The following CAT variants were observed in gnomAD, a reference collection of about 807,000 sequenced individuals.
CAT encodes catalase.
CAT carries 43 observed loss-of-function variants against 59.0 expected under a neutral mutation model. The ratio of observed to expected loss-of-function variants is 0.73; its 90% confidence interval spans 0.57 to 0.94. The LOEUF (loss-of-function observed/expected upper bound fraction) is 0.94. Among genes scored for constraint, CAT ranks in the 40% least tolerant of loss-of-function variants. CAT has a pLI of 0.00. For synonymous variants in CAT, 218 were observed against 230.9 expected, an observed-to-expected ratio of 0.94 and a Z score of 0.51; for missense variants, 664 against 682.9, an observed-to-expected ratio of 0.97 and a Z score of 0.31.
intron 1 of CAT, among the ~76,000 whole-genome samples, chr11:34,443,022 A>G (rs1222886185): frequency 6.6e-6 from 1 of 152,176 alleles, no homozygotes; most frequent in Non-Finnish European, 1.5e-5. Context: ...AGAATATGTC[A>G]TTTTTACTTT....
rs61733252 is a variant in CAT at position 34,453,896 on chromosome 11, G to A, written c.681G>A (p.Gly227=). The change falls in exon 6 of 13, where the codon GGG becomes GGA. Residue 227 remains glycine, a synonymous_variant. Transcript: ENST00000241052. ...CTTTCAAGCTGGTTAATGCAAATGG[G>A]GAGGCAGTTTATTGCAAATTCCATT... ...SHTFKLVNAN[G]EAVYCKFHYK... 1.9e-4 allele frequency: 305 copies of A among 1,613,846 alleles called. 1 individual carries two copies. The highest frequency in any genetic ancestry group is 1.8e-4 in the Admixed American group (11 of 59,994).
At chr11:34,442,409 C>T (rs1398866213) in intron 1 of CAT, among the ~76,000 whole-genome samples, 3 of 152,102 alleles carry the variant, frequency 2.0e-5, no homozygotes, top group African/African-American at 7.2e-5. Flanking sequence ...CAAAACTAGC[C>T]TGACCAATAT....
chr11:34,470,765 C>T, intron 11 of CAT, 193 bp from the exon 12 acceptor site: 1 of 659,406 alleles, frequency 1.5e-6, no homozygotes, highest in Non-Finnish European at 2.8e-6. Flanking sequence ...GGTTGCTCAG[C>T]CAGTATATGT....
At chr11:34,443,251 T>A (rs1856412935) in intron 1 of CAT, among the ~76,000 whole-genome samples, 1 of 152,200 alleles carries the variant, frequency 6.6e-6, no homozygotes, top group Admixed American at 6.5e-5. Flanking sequence ...CTCTCAAGAA[T>A]CAGAGTGTCC....
At chr11:34,454,166 T>G (rs1856562809) in intron 6 of CAT, among the ~76,000 whole-genome samples, 1 of 152,250 alleles carries the variant, frequency 6.6e-6, no homozygotes, top group Non-Finnish European at 1.5e-5. Flanking sequence ...CCAATATCAT[T>G]TCTTTTAACT....
intron 8 of CAT, among the ~76,000 whole-genome samples, chr11:34,460,077 G>A (rs1272713969): frequency 1.3e-5 from 2 of 152,142 alleles, no homozygotes; most frequent in Admixed American, 1.3e-4. Flanking sequence ...TTTTTATTTT[G>A]CCTCATAGAA....
At chr11:34,442,437 AC>A (rs1380975929) in intron 1 of CAT, among the ~76,000 whole-genome samples, 4 of 152,140 alleles carry the variant, frequency 2.6e-5, no homozygotes, top group Non-Finnish European at 5.9e-5. Flanking sequence ...CCCTGTCTCT[AC>A]TAAAAATACA....
In CAT at chr11:34,468,413, G is replaced by A; in HGVS notation, c.1434+18G>A. ...AGAAAGCGGTGAGTCTTTGTAAGCT[G>A]AAGGGTGTCCTCTGCTGGCTAAGGA... On this transcript the variant is annotated intron_variant, in intron 11 of 12. Transcript: ENST00000241052. The A allele has an allele frequency of 6.4e-7, 1 of 1,553,540 alleles. No homozygotes were observed. Among genetic ancestry groups the A allele is most frequent in the Non-Finnish European group, 8.9e-7 (1 of 1,124,872 alleles).
chr11:34,440,999 TG>T, intron 1 of CAT, among the ~76,000 whole-genome samples: 1 of 152,340 alleles, frequency 6.6e-6, no homozygotes, highest in Non-Finnish European at 1.5e-5. Flanking sequence ...CATCTATAGT[TG>T]GGAGGCTCTT....
chr11:34,456,226 G>T lies in CAT; in HGVS notation c.903+24G>T, dbSNP rs1590304384. ...AGGTGAGTCAGTAAACAACTATATT[G>T]TTTTCTTTTTTAAGTCTCTTCTTAC... is the stretch of plus-strand genomic sequence containing the variant. On this transcript the variant is annotated intron_variant, in intron 7 of 12. Transcript: ENST00000241052. 3 of 1,581,994 alleles carry T rather than the reference G, an allele frequency of 1.9e-6. No individual in the cohort carries two copies. The African/African-American group carries it at 4.0e-5, about 21-fold the overall frequency.
intron 1 of CAT, among the ~76,000 whole-genome samples, chr11:34,444,831 TATAAA>T (rs1856430547): frequency 6.6e-6 from 1 of 152,226 alleles, no homozygotes; most frequent in East Asian, 1.9e-4. Flanking sequence ...AAAAGAAGCC[TATAAA>T]GGCAGCAAAG....
rs752856714 is a variant in CAT at position 34,461,356 on chromosome 11, C to T, written c.1162C>T (p.Arg388Cys). 3.0e-5 allele frequency: 48 copies of T among 1,614,086 alleles called. No individual in the cohort carries two copies. The highest frequency in any genetic ancestry group is 1.6e-4 in the Middle Eastern group (1 of 6,084). ...PYRARVANYQRDGPMCMQDNQ... is the reference protein window; with the variant it reads ...PYRARVANYQCDGPMCMQDNQ... Reference sequence around the variant, plus strand: ...CCGTGCTCGAGTGGCCAACTACCAGCGTGACGGCCCGATGTGCATGCAGGA... The same window carrying T: ...CCGTGCTCGAGTGGCCAACTACCAGTGTGACGGCCCGATGTGCATGCAGGA... Residue 388 changes from arginine to cysteine, a missense_variant, in exon 9 of 13, where the codon CGT becomes TGT. Arg to Cys is a radical substitution (Grantham distance 180, BLOSUM62 -3). Transcript: ENST00000241052.
intron 7 of CAT, 25 bp from the exon 8 acceptor site, chr11:34,456,640 A>T: frequency 6.2e-7 from 1 of 1,612,204 alleles, no homozygotes; most frequent in Non-Finnish European, 8.5e-7. Context: ...TTGCCTGGTA[A>T]TTGTGAATAT....
intron 9 of CAT, among the ~76,000 whole-genome samples, chr11:34,462,597 A>G (rs1856663637): frequency 6.6e-6 from 1 of 151,900 alleles, no homozygotes; most frequent in African/African-American, 2.4e-5. Context: ...TAATTTTTGT[A>G]TTTTTAGTAG....
chr11:34,464,483 G>A (rs562099712), intron 10 of CAT, among the ~76,000 whole-genome samples: 11 of 152,322 alleles, frequency 7.2e-5, no homozygotes, highest in African/African-American at 2.6e-4. Flanking sequence ...GAAGGGATAT[G>A]GGGAGGGGGC....
intron 11 of CAT, among the ~76,000 whole-genome samples, chr11:34,469,827 G>A (rs1564967984): frequency 1.3e-5 from 2 of 151,952 alleles, no homozygotes; most frequent in Non-Finnish European, 2.9e-5. Flanking sequence ...CACCATGCCC[G>A]ACTAATTTTT....
intron 9 of CAT, 58 bp from the exon 10 acceptor site, chr11:34,464,047 T>G (rs1856683709): frequency 6.3e-7 from 1 of 1,583,352 alleles, no homozygotes; most frequent in South Asian, 1.1e-5. Flanking sequence ...AGTGATTATT[T>G]GCAGACTTAC....
At chr11:34,457,435 G>C (rs954777786) in intron 8 of CAT, among the ~76,000 whole-genome samples, 1 of 152,066 alleles carries the variant, frequency 6.6e-6, no homozygotes, top group African/African-American at 2.4e-5. Flanking sequence ...TCAAACTCCT[G>C]ACCTCAAGTG....
At chr11:34,462,274 A>G (rs1468672063) in intron 9 of CAT, among the ~76,000 whole-genome samples, 1 of 152,174 alleles carries the variant, frequency 6.6e-6, no homozygotes, top group Non-Finnish European at 1.5e-5. Context: ...ACAGATGTCT[A>G]TATTCAAACA....
Sources: gnomAD v4.1 joint callset for allele counts (sites outside exome capture counted in the v4.1 genomes callset) on GRCh38, gnomAD v4.1.1 for gene constraint, MANE v1.5 for transcripts, NCBI Gene and HGNC (gene_info 2026-07-23, HGNC 2026-07-21) for gene names.